CLSTN2: variants seen among roughly 807,000 people sequenced by gnomAD.
CLSTN2 encodes calsyntenin 2.
Under a neutral mutation model 101.2 loss-of-function variants are expected in CLSTN2, and 48 were observed. The observed-to-expected ratio is 0.47, with a 90% CI of 0.38 to 0.60. The LOEUF is 0.60. CLSTN2 is among the 20% of genes least tolerant of loss of function. CLSTN2 has a pLI of 0.00. For missense variants in CLSTN2, 1,160 were observed against 1,238.2 expected (o/e 0.94, Z 0.95); for synonymous variants, 481 against 463.6 (o/e 1.04, Z -0.48).
intron 2 of CLSTN2, among the ~76,000 whole-genome samples, chr3:140,376,813 C>T (rs2087922564): frequency 6.6e-6 from 1 of 152,146 alleles, no homozygotes; most frequent in Admixed American, 6.5e-5. Context: ...AGGAAAGGTC[C>T]ACAGGCTGGG....
intron 8 of CLSTN2, among the ~76,000 whole-genome samples, chr3:140,509,379 T>C (rs1559889825): frequency 2.0e-5 from 3 of 152,148 alleles, no homozygotes; most frequent in Admixed American, 6.5e-5. Flanking sequence ...GAGTTTCTGA[T>C]TCCATGGGTC....
intron 2 of CLSTN2, among the ~76,000 whole-genome samples, chr3:140,301,016 A>G (rs968753544): frequency 6.6e-6 from 1 of 152,128 alleles, no homozygotes; most frequent in Non-Finnish European, 1.5e-5. Context: ...TCCCAGCTCA[A>G]GCAGGAAGGC....
chr3:140,326,556 T>C (rs959400082), intron 2 of CLSTN2, among the ~76,000 whole-genome samples: 1 of 152,256 alleles, frequency 6.6e-6, no homozygotes, highest in Admixed American at 6.5e-5. Context: ...TTGGAGGTTT[T>C]CACATTAACA....
At chr3:140,286,490 G>A (rs116820965) in intron 2 of CLSTN2, among the ~76,000 whole-genome samples, 3 of 152,290 alleles carry the variant, frequency 2.0e-5, no homozygotes, top group African/African-American at 7.2e-5. Flanking sequence ...GTTTGATGAT[G>A]CCCATTTTCA....
intron 1 of CLSTN2, among the ~76,000 whole-genome samples, chr3:140,158,297 G>A (rs2009988641): frequency 6.6e-6 from 1 of 152,084 alleles, no homozygotes; most frequent in Non-Finnish European, 1.5e-5. Context: ...TATATACCAG[G>A]AAAAACCTAA....
intron 5 of CLSTN2, among the ~76,000 whole-genome samples, chr3:140,422,569 G>A (rs895116817): frequency 1.3e-5 from 2 of 152,168 alleles, no homozygotes; most frequent in African/African-American, 4.8e-5. Context: ...GTATGCCTTT[G>A]AACAAAGTAG....
At chr3:140,504,403 G>T (rs1488642647) in intron 8 of CLSTN2, among the ~76,000 whole-genome samples, 3 of 151,800 alleles carry the variant, frequency 2.0e-5, no homozygotes, top group African/African-American at 2.4e-5. Flanking sequence ...TCTGGCCACT[G>T]CTTTTTCTGT....
chr3:140,399,905 A>G (rs2088221618), intron 2 of CLSTN2, among the ~76,000 whole-genome samples: 1 of 150,832 alleles, frequency 6.6e-6, no homozygotes, highest in African/African-American at 2.4e-5. Flanking sequence ...TCTATTCCCC[A>G]TCTTTATGTT....
At chr3:140,395,151 C>T (rs148032035) in intron 2 of CLSTN2, among the ~76,000 whole-genome samples, 1 of 152,242 alleles carries the variant, frequency 6.6e-6, no homozygotes, top group African/African-American at 2.4e-5. Context: ...TTGATCTTGG[C>T]ACAAAGCTTT....
rs572837833 is a variant in CLSTN2, at chr3:140,050,576, C to A, written c.109+115093C>A. ...GAGGCCAGCCCATAGGAATTGTGAC[C>A]CTCTGTTGAAGAACAGGAGACCAAA... On this transcript the variant is annotated intron_variant, in intron 1 of 16. Transcript: ENST00000458420. Among the ~76,000 whole-genome samples the A allele has an allele frequency of 5.3e-5, 8 of 152,248 alleles. No homozygotes were observed. The East Asian group carries it at 1.2e-3, about 22-fold the overall frequency.
intron 2 of CLSTN2, among the ~76,000 whole-genome samples, chr3:140,289,215 A>G (rs774171972): frequency 6.6e-6 from 1 of 152,216 alleles, no homozygotes; most frequent in Non-Finnish European, 1.5e-5. Context: ...TATTATATAG[A>G]GGAAACTGAG....
At chr3:140,254,324 G>A (rs1438616479) in intron 2 of CLSTN2, among the ~76,000 whole-genome samples, 3 of 152,160 alleles carry the variant, frequency 2.0e-5, no homozygotes, top group Admixed American at 6.5e-5. Context: ...AAATTTATAA[G>A]AATGGCTCTC....
chr3:140,103,539 G>A (rs997689320), intron 1 of CLSTN2, among the ~76,000 whole-genome samples: 3 of 152,172 alleles, frequency 2.0e-5, no homozygotes, highest in African/African-American at 7.2e-5. Flanking sequence ...ATTGATAAGT[G>A]AGTTCTGCAT....
chr3:140,564,040 G>A lies in CLSTN2; in HGVS notation c.2562G>A (p.Arg854=). Residue 854 remains arginine, a synonymous_variant, in exon 16 of 17, where the codon CGG becomes CGA. Coordinates refer to ENST00000458420, the MANE Select transcript of CLSTN2 (RefSeq NM_022131.3). The stretch of plus-strand genomic sequence containing the variant: ...TTGTCGTGGCCATGGGTGTGTACCG[G>A]GTCCGGATCGCCCACCAGCACTTCA... ...LVFVVAMGVY[R]VRIAHQHFIQ... is the part of the protein sequence containing the mutation. 1 of 1,614,130 alleles carries A rather than the reference G, an allele frequency of 6.2e-7. No individual in the cohort carries two copies. Among genetic ancestry groups the A allele is most frequent in the Non-Finnish European group, 8.5e-7 (1 of 1,180,000 alleles).
Position 139,954,270 on chromosome 3 carries a change from C to T in CLSTN2, c.109+18787C>T, listed in dbSNP as rs114927074. The stretch of plus-strand genomic sequence containing the variant: ...GGATTCCTTTGGGCATCCAGTCAGA[C>T]TTGCTGGCCAGCTGTGAGGTTTGTG... On this transcript the variant is annotated intron_variant, in intron 1 of 16. Coordinates refer to ENST00000458420, the MANE Select transcript of CLSTN2 (RefSeq NM_022131.3). Among the ~76,000 whole-genome samples, 1,126 of 152,308 alleles carry T rather than the reference C, an allele frequency of 7.4e-3. 14 individuals are homozygous for T. The highest frequency in any genetic ancestry group is 0.042 in the East Asian group (219 of 5,192).
chr3:140,344,898 G>T (rs544976225), intron 2 of CLSTN2, among the ~76,000 whole-genome samples: 6 of 152,130 alleles, frequency 3.9e-5, no homozygotes, highest in Non-Finnish European at 8.8e-5. Flanking sequence ...AGGGGATTGC[G>T]ACTTCTCTAC....
chr3:139,979,593 G>T (rs542864248), intron 1 of CLSTN2, among the ~76,000 whole-genome samples: 1 of 152,034 alleles, frequency 6.6e-6, no homozygotes, highest in Non-Finnish European at 1.5e-5. Flanking sequence ...CTGCAAGAGG[G>T]GAGCTTTTAC....
chr3:140,203,311 C>A (rs58530461), intron 2 of CLSTN2, among the ~76,000 whole-genome samples: 1 of 151,998 alleles, frequency 6.6e-6, no homozygotes, highest in Non-Finnish European at 1.5e-5. Flanking sequence ...GAACAAAAAT[C>A]TGATTGAACT....
At chr3:140,427,187 ATATATATATATATATATGTG>A (rs2088576320) in intron 5 of CLSTN2, among the ~76,000 whole-genome samples, 2 of 63,764 alleles carry the variant, frequency 3.1e-5, no homozygotes, top group African/African-American at 2.4e-4. Context: ...AAAAAAAAAT[ATATATATATATATATATGTG>A]TATATATATA....
Sources: gnomAD v4.1 joint callset for allele counts (sites outside exome capture counted in the v4.1 genomes callset) on GRCh38, gnomAD v4.1.1 for gene constraint, MANE v1.5 for transcripts, NCBI Gene and HGNC (gene_info 2026-07-23, HGNC 2026-07-21) for gene names.